FSTL5: variants seen among roughly 807,000 people sequenced by gnomAD.
The protein encoded by FSTL5 is follistatin-related protein 5.
Under a neutral mutation model 89.1 loss-of-function variants are expected in FSTL5, and 62 were observed. That is an observed-to-expected ratio of 0.70 (90% CI 0.57 to 0.86). The LOEUF is 0.86. FSTL5 is among the 40% of genes least tolerant of loss of function. The probability of loss-of-function intolerance (pLI) is 0.00; values close to 1 mark genes in which losing one functional copy is unlikely to be tolerated. For synonymous variants in FSTL5, 383 were observed against 346.2 expected, an observed-to-expected ratio of 1.11 and a Z score of -1.18; for missense variants, 1,057 against 1,001.6, an observed-to-expected ratio of 1.06 and a Z score of -0.75.
At chr4:161,754,045 T>TAA (rs10649973) in intron 6 of FSTL5, among the ~76,000 whole-genome samples, 5,438 of 85,018 alleles carry the variant, frequency 0.064, 364 homozygotes, top group African/African-American at 0.15. Context: ...CCGTCTCAAT[T>TAA]AAAAAAAAAA....
chr4:162,032,509 T>C (rs1737572318), intron 3 of FSTL5: 5 of 152,204 alleles, frequency 3.3e-5, no homozygotes, highest in Admixed American at 3.3e-4. Context: ...TCTTACATAA[T>C]TCATTTGAAC....
At chr4:161,696,329 T>C (rs1738164797) in intron 6 of FSTL5, among the ~76,000 whole-genome samples, 1 of 152,184 alleles carries the variant, frequency 6.6e-6, no homozygotes, top group Admixed American at 6.5e-5. Context: ...TGACTATTTT[T>C]ATAGCAGTAA....
At chr4:161,685,566 C>T (rs904864566) in intron 6 of FSTL5, among the ~76,000 whole-genome samples, 8 of 152,000 alleles carry the variant, frequency 5.3e-5, no homozygotes, top group Admixed American at 4.6e-4. Flanking sequence ...TCAGCTTGGT[C>T]GCTATTGGTA....
intron 6 of FSTL5, among the ~76,000 whole-genome samples, chr4:161,746,897 T>C (rs571672264): frequency 6.7e-4 from 102 of 152,278 alleles, no homozygotes; most frequent in African/African-American, 2.4e-3. Flanking sequence ...CCCACACTTT[T>C]GGCTTTGCTG....
chr4:161,799,594 A>C (rs1209397874), intron 4 of FSTL5, among the ~76,000 whole-genome samples: 1 of 151,602 alleles, frequency 6.6e-6, no homozygotes, highest in Non-Finnish European at 1.5e-5. Flanking sequence ...GACTTGCTTG[A>C]CTCCAAAAAA....
chr4:161,694,221 T>C (rs1185709452), intron 6 of FSTL5, among the ~76,000 whole-genome samples: 1 of 152,174 alleles, frequency 6.6e-6, no homozygotes, highest in Admixed American at 6.5e-5. Context: ...TGTAGATATT[T>C]AGAACTATAT....
chr4:161,491,159 A>T (rs1195564067), intron 12 of FSTL5, among the ~76,000 whole-genome samples: 1 of 151,930 alleles, frequency 6.6e-6, no homozygotes, highest in African/African-American at 2.4e-5. Context: ...TTTTAGGAAA[A>T]TTTTTCAGAG....
At chr4:161,654,098 C>T (rs1248496650) in intron 7 of FSTL5, among the ~76,000 whole-genome samples, 1 of 152,080 alleles carries the variant, frequency 6.6e-6, no homozygotes, top group Non-Finnish European at 1.5e-5. Context: ...AGAGACCTGA[C>T]ATATCCAGTG....
At chr4:161,541,978 T>C (rs774591911) in intron 9 of FSTL5, among the ~76,000 whole-genome samples, 1 of 151,930 alleles carries the variant, frequency 6.6e-6, no homozygotes, top group Non-Finnish European at 1.5e-5. Flanking sequence ...CAGTAATTTA[T>C]TCATGTCTAC....
At chr4:161,816,514 G>T (rs1730330710) in intron 4 of FSTL5, among the ~76,000 whole-genome samples, 1 of 152,036 alleles carries the variant, frequency 6.6e-6, no homozygotes, top group African/African-American at 2.4e-5. Flanking sequence ...AACTTATTTT[G>T]TGACTTATAA....
intron 3 of FSTL5, among the ~76,000 whole-genome samples, chr4:161,987,712 T>C (rs1167626095): frequency 6.6e-6 from 1 of 150,766 alleles, no homozygotes; most frequent in African/African-American, 2.4e-5. Context: ...GCCAGAATCA[T>C]GAGGAACATT....
rs76972321 is a variant in FSTL5, at chr4:161,418,385, T to C, written c.1842-31936A>G. Among the ~76,000 whole-genome samples, 274 of 152,330 alleles carry C rather than the reference T, an allele frequency of 1.8e-3. 2 individuals carry two copies. Among genetic ancestry groups the C allele is most frequent in the Non-Finnish European group, 2.4e-3 (162 of 68,024 alleles). On this transcript the variant is annotated intron_variant, in intron 15 of 15. Coordinates refer to ENST00000306100, the MANE Select transcript of FSTL5 (RefSeq NM_020116.5). ...CATACAAATGCATGACAATAAATGATACAGTACAAAAGCACTCAGCGAGCC... is the reference window on the plus strand; with the variant it reads ...CATACAAATGCATGACAATAAATGACACAGTACAAAAGCACTCAGCGAGCC...
intron 1 of FSTL5, among the ~76,000 whole-genome samples, chr4:162,127,081 A>G (rs1561033748): frequency 6.6e-6 from 1 of 152,038 alleles, no homozygotes. Context: ...CCTCAAATCA[A>G]TACTGTCCTA....
At chr4:161,605,940 A>AAAAAG (rs749492593) in intron 7 of FSTL5, among the ~76,000 whole-genome samples, 56 of 149,556 alleles carry the variant, frequency 3.7e-4, no homozygotes, top group Non-Finnish European at 6.8e-4. Flanking sequence ...AGAGACATGG[A>AAAAAG]AAAAGAAAAG....
intron 3 of FSTL5, among the ~76,000 whole-genome samples, chr4:162,029,166 A>AGAGAGAGT (rs1491510494): frequency 2.2e-4 from 26 of 120,688 alleles, no homozygotes; most frequent in East Asian, 1.7e-3. Flanking sequence ...AGAGAGAGAG[A>AGAGAGAGT]GTGTGTGTGT....
At chr4:161,401,960 T>C (rs1018472791) in intron 15 of FSTL5, among the ~76,000 whole-genome samples, 2 of 152,234 alleles carry the variant, frequency 1.3e-5, no homozygotes, top group Non-Finnish European at 2.9e-5. Flanking sequence ...TTATTTTTCT[T>C]ATTTTACTAA....
intron 7 of FSTL5, among the ~76,000 whole-genome samples, chr4:161,608,396 T>C (rs1036877850): frequency 3.9e-5 from 6 of 152,146 alleles, no homozygotes; most frequent in African/African-American, 1.4e-4. Flanking sequence ...AAATTTAAGA[T>C]GTTCTGGAGT....
intron 7 of FSTL5, among the ~76,000 whole-genome samples, chr4:161,631,005 T>C (rs1388630086): frequency 6.6e-6 from 1 of 152,208 alleles, no homozygotes; most frequent in Non-Finnish European, 1.5e-5. Context: ...TGATAAATAA[T>C]CAAGCAAAAT....
chr4:161,506,589 T>C (rs886190355), intron 11 of FSTL5, among the ~76,000 whole-genome samples: 36 of 152,132 alleles, frequency 2.4e-4, no homozygotes, highest in Non-Finnish European at 4.3e-4. Context: ...ATAATAGTTA[T>C]ACCAGAGGTT....
Sources: gnomAD v4.1 joint callset for allele counts (sites outside exome capture counted in the v4.1 genomes callset) on GRCh38, gnomAD v4.1.1 for gene constraint, MANE v1.5 for transcripts, NCBI Gene and HGNC (gene_info 2026-07-23, HGNC 2026-07-21) for gene names.